Variants in NKAIN2 observed in about 807,000 individuals in gnomAD.
The protein encoded by NKAIN2 is sodium/potassium transporting ATPase interacting 2.
In NKAIN2, 14 loss-of-function variants were observed where a neutral mutation model predicts 32.6. The observed-to-expected ratio is 0.43, with a 90% confidence interval of 0.28 to 0.67. The LOEUF is 0.67. NKAIN2 is among the 30% of genes least tolerant of loss of function. NKAIN2 has a pLI of 0.17. For missense variants in NKAIN2, 198 were observed against 258.3 expected, an observed-to-expected ratio of 0.77 and a Z score of 1.60; for synonymous variants, 80 against 87.2, an observed-to-expected ratio of 0.92 and a Z score of 0.46.
chr6:124,065,632 G>A (rs553544104), intron 1 of NKAIN2, among the ~76,000 whole-genome samples: 1 of 152,240 alleles, frequency 6.6e-6, no homozygotes, highest in East Asian at 1.9e-4. Flanking sequence ...TTGGTGCCTT[G>A]ATCTTGCACT....
chr6:123,969,827 A>G (rs1778256491), intron 1 of NKAIN2, among the ~76,000 whole-genome samples: 3 of 152,180 alleles, frequency 2.0e-5, no homozygotes, highest in Admixed American at 6.5e-5. Flanking sequence ...GGGATTTGGA[A>G]TGATCTCTGG....
intron 5 of NKAIN2, among the ~76,000 whole-genome samples, chr6:124,807,970 T>G (rs143573770): frequency 0.12 from 16,731 of 133,946 alleles, 1,393 homozygotes; most frequent in East Asian, 0.45. Flanking sequence ...AATAACAGGA[T>G]CTGAAATTGT....
At chr6:124,498,887 G>T (rs945898993) in intron 3 of NKAIN2, among the ~76,000 whole-genome samples, 4 of 152,032 alleles carry the variant, frequency 2.6e-5, no homozygotes, top group African/African-American at 9.7e-5. Flanking sequence ...CTGGACAAAC[G>T]GTAGTAAAAC....
chr6:124,712,433 A>T (rs1417812088), intron 4 of NKAIN2, among the ~76,000 whole-genome samples: 1 of 114,956 alleles, frequency 8.7e-6, no homozygotes, highest in Non-Finnish European at 1.8e-5. Flanking sequence ...GCCGCCTTGC[A>T]GTTTGATCTC....
chr6:124,609,794 G>A (rs943306346), intron 3 of NKAIN2, among the ~76,000 whole-genome samples: 2 of 152,080 alleles, frequency 1.3e-5, no homozygotes, highest in African/African-American at 2.4e-5. Context: ...TAAATAGACA[G>A]AGTGGGGTAG....
chr6:123,925,745 C>G (rs1056207244), intron 1 of NKAIN2, among the ~76,000 whole-genome samples: 1 of 152,154 alleles, frequency 6.6e-6, no homozygotes, highest in African/African-American at 2.4e-5. Flanking sequence ...TCTACATTGT[C>G]TTTGAAAGTC....
chr6:124,099,947 A>G (rs1046860533), intron 1 of NKAIN2, among the ~76,000 whole-genome samples: 1 of 152,142 alleles, frequency 6.6e-6, no homozygotes, highest in Non-Finnish European at 1.5e-5. Flanking sequence ...GGATTTAAAG[A>G]TCGGTTGCTA....
chr6:124,012,884 G>C (rs2114739544), intron 1 of NKAIN2, among the ~76,000 whole-genome samples: 1 of 141,224 alleles, frequency 7.1e-6, no homozygotes, highest in South Asian at 2.3e-4. Flanking sequence ...TAAGGTATAT[G>C]TTTTGCTTTT....
chr6:124,792,314 T>C (rs1183730145), intron 5 of NKAIN2, among the ~76,000 whole-genome samples: 3 of 152,148 alleles, frequency 2.0e-5, no homozygotes, highest in African/African-American at 7.2e-5. Flanking sequence ...CTTCTTCCCT[T>C]TCCAATTATA....
intron 1 of NKAIN2, among the ~76,000 whole-genome samples, chr6:123,927,209 T>A (rs879754672): frequency 1.3e-5 from 2 of 152,232 alleles, no homozygotes; most frequent in African/African-American, 4.8e-5. Context: ...CCCATCAGTA[T>A]TTAATCTTTA....
chr6:124,582,765 C>T (rs918049445), intron 3 of NKAIN2, among the ~76,000 whole-genome samples: 1 of 152,116 alleles, frequency 6.6e-6, no homozygotes, highest in Non-Finnish European at 1.5e-5. Flanking sequence ...TTAAGCAAAT[C>T]ATTCATCATG....
chr6:124,392,632 C>T (rs1773192259), intron 3 of NKAIN2, among the ~76,000 whole-genome samples: 1 of 152,012 alleles, frequency 6.6e-6, no homozygotes, highest in Non-Finnish European at 1.5e-5. Flanking sequence ...ACGCTCACTA[C>T]AGTTGGTTAT....
intron 1 of NKAIN2, among the ~76,000 whole-genome samples, chr6:123,890,215 A>T (rs919990435): frequency 2.0e-5 from 3 of 152,086 alleles, no homozygotes; most frequent in African/African-American, 7.2e-5. Flanking sequence ...ATCATCAAAG[A>T]TTCTGATTTT....
At chr6:124,566,656 G>A (rs1159547882) in intron 3 of NKAIN2, among the ~76,000 whole-genome samples, 1 of 150,856 alleles carries the variant, frequency 6.6e-6, no homozygotes, top group Non-Finnish European at 1.5e-5. Flanking sequence ...TCTGTGAAAT[G>A]CTGAGTTAAG....
At chr6:124,612,609 T>C (rs992965086) in intron 3 of NKAIN2, among the ~76,000 whole-genome samples, 10 of 152,218 alleles carry the variant, frequency 6.6e-5, no homozygotes, top group African/African-American at 7.2e-5. Flanking sequence ...ACAACTTACA[T>C]ATTGTATGGC....
intron 1 of NKAIN2, among the ~76,000 whole-genome samples, chr6:124,108,613 C>T (rs1785227831): frequency 6.6e-6 from 1 of 151,998 alleles, no homozygotes; most frequent in African/African-American, 2.4e-5. Flanking sequence ...AACTCATTGC[C>T]TAGACCAAAT....
intron 1 of NKAIN2, among the ~76,000 whole-genome samples, chr6:123,839,661 T>C (rs1774785581): frequency 6.6e-6 from 1 of 152,188 alleles, no homozygotes; most frequent in East Asian, 1.9e-4. Flanking sequence ...TACAGCAAAA[T>C]TGAGGTTAGC....
intron 5 of NKAIN2, among the ~76,000 whole-genome samples, chr6:124,809,938 C>T (rs943374078): frequency 2.3e-3 from 353 of 152,248 alleles, no homozygotes; most frequent in Admixed American, 3.7e-3. Context: ...AATGAGATAT[C>T]ATCTCACACC....
intron 3 of NKAIN2, among the ~76,000 whole-genome samples, chr6:124,410,311 C>G (rs7751254): frequency 0.79 from 119,685 of 152,008 alleles, 47,383 homozygotes; most frequent in African/African-American, 0.86. Context: ...GATCTTTCCT[C>G]CTTTCTCTTG....
Sources: gnomAD v4.1 joint callset for allele counts (sites outside exome capture counted in the v4.1 genomes callset) on GRCh38, gnomAD v4.1.1 for gene constraint, MANE v1.5 for transcripts, NCBI Gene and HGNC (gene_info 2026-07-23, HGNC 2026-07-21) for gene names.